Variants in FBXO34 observed in about 807,000 individuals in gnomAD.
The protein encoded by FBXO34 is F-box only protein 34.
Under a neutral mutation model 24.5 loss-of-function variants are expected in FBXO34, and 12 were observed. That is an observed-to-expected ratio of 0.49 (90% CI 0.31 to 0.79). The LOEUF (loss-of-function observed/expected upper bound fraction) is 0.79. FBXO34 is among the 30% of genes least tolerant of loss of function. FBXO34 has a pLI of 0.04. For synonymous variants in FBXO34, 320 were observed against 311.9 expected (o/e 1.03, Z -0.27); for missense variants, 823 against 857.7 (o/e 0.96, Z 0.51).
At chr14:55,417,440 A>C in the FBXO34 span, among the ~76,000 whole-genome samples, 1 of 143,240 alleles carries the variant, frequency 7.0e-6, no homozygotes, top group Non-Finnish European at 1.5e-5. Flanking sequence ...CTCCAATGAG[A>C]TGACCCTTGC....
chr14:55,411,523 G>A, the FBXO34 span: 39 of 1,389,828 alleles, frequency 2.8e-5, no homozygotes, highest in East Asian at 9.9e-5. Context: ...CGGACGGGGA[G>A]CCCCAGGTTC....
At chr14:55,338,398 T>A (rs1883866963) in intron 1 of FBXO34, among the ~76,000 whole-genome samples, 1 of 152,122 alleles carries the variant, frequency 6.6e-6, no homozygotes. Flanking sequence ...TGTAAGTTCC[T>A]TAAGCCATCT....
intron 1 of FBXO34, among the ~76,000 whole-genome samples, chr14:55,315,751 T>A (rs1009287133): frequency 1.3e-5 from 2 of 152,216 alleles, no homozygotes; most frequent in Non-Finnish European, 2.9e-5. Context: ...TTTTTCATGT[T>A]ATCAGTTCTT....
chr14:55,426,724 A>G, the FBXO34 span, among the ~76,000 whole-genome samples: 6 of 151,902 alleles, frequency 3.9e-5, no homozygotes, highest in South Asian at 2.1e-4. Flanking sequence ...AAAAAAAAAA[A>G]AAGAAAAGAA....
chr14:55,424,747 G>T, the FBXO34 span, among the ~76,000 whole-genome samples: 2 of 152,158 alleles, frequency 1.3e-5, no homozygotes, highest in Non-Finnish European at 2.9e-5. Context: ...TATAAATAAA[G>T]AAAATCCAAT....
the FBXO34 span, chr14:55,382,270 G>C: frequency 7.6e-7 from 1 of 1,316,790 alleles, no homozygotes; most frequent in East Asian, 2.3e-5. Context: ...AGACATGCTA[G>C]AACATCGAAA....
intron 1 of FBXO34, among the ~76,000 whole-genome samples, chr14:55,295,366 A>G (rs188786142): frequency 6.8e-5 from 10 of 146,776 alleles, no homozygotes; most frequent in East Asian, 5.9e-4. Flanking sequence ...TAATGGCTCT[A>G]TGAGGTAAAT....
chr14:55,427,467 G>A, the FBXO34 span, among the ~76,000 whole-genome samples: 5 of 152,142 alleles, frequency 3.3e-5, no homozygotes. Flanking sequence ...GGAAAGCACA[G>A]CAATATGATC....
At chr14:55,433,699 C>T in the FBXO34 span, 2 of 1,613,894 alleles carry the variant, frequency 1.2e-6, no homozygotes, top group Non-Finnish European at 8.5e-7. Flanking sequence ...CTCTCGGATC[C>T]TCATTATGAC....
intron 1 of FBXO34, among the ~76,000 whole-genome samples, chr14:55,329,293 G>A (rs927366371): frequency 1.3e-5 from 2 of 151,930 alleles, no homozygotes; most frequent in Non-Finnish European, 2.9e-5. Context: ...TTAACTTTGA[G>A]ATGACTGAGA....
At chr14:55,277,582 T>A (rs1226701975) in intron 1 of FBXO34, among the ~76,000 whole-genome samples, 1 of 152,196 alleles carries the variant, frequency 6.6e-6, no homozygotes, top group Non-Finnish European at 1.5e-5. Context: ...TACTGCAGCC[T>A]TGAACTTTTG....
intron 1 of FBXO34, among the ~76,000 whole-genome samples, chr14:55,305,838 T>A (rs1882526319): frequency 6.6e-6 from 1 of 152,238 alleles, no homozygotes; most frequent in African/African-American, 2.4e-5. Context: ...AAGTACTGTA[T>A]CTGTGTATAA....
At chr14:55,385,969 C>T in the FBXO34 span, 5 of 1,614,086 alleles carry the variant, frequency 3.1e-6, no homozygotes, top group Non-Finnish European at 4.2e-6. Flanking sequence ...AGTCAATGGT[C>T]TTTTTTTCTA....
At chr14:55,371,803 CAAAA>C (rs1884824594), downstream of FBXO34, among the ~76,000 whole-genome samples, 1 of 149,648 alleles carries the variant, frequency 6.7e-6, no homozygotes, top group East Asian at 2.0e-4. Context: ...GACTCTGTCT[CAAAA>C]AACAAACAAA....
At chr14:55,284,320 C>G (rs1187181343) in intron 1 of FBXO34, among the ~76,000 whole-genome samples, 1 of 152,018 alleles carries the variant, frequency 6.6e-6, no homozygotes, top group African/African-American at 2.4e-5. Context: ...TCGAGACCAG[C>G]CTGACCAACA....
At chr14:55,348,726 C>G (rs1353893202) in intron 1 of FBXO34, among the ~76,000 whole-genome samples, 1 of 152,212 alleles carries the variant, frequency 6.6e-6, no homozygotes, top group African/African-American at 2.4e-5. Context: ...CAAAATTTCT[C>G]TTTATCTGGC....
At chr14:55,283,335 A>G (rs931780901) in intron 1 of FBXO34, among the ~76,000 whole-genome samples, 5 of 152,124 alleles carry the variant, frequency 3.3e-5, no homozygotes, top group East Asian at 1.9e-4. Flanking sequence ...ATTTATTACA[A>G]CCTATTTTAT....
chr14:55,334,531 TGGGGTG>T (rs1460943435), intron 1 of FBXO34, among the ~76,000 whole-genome samples: 6 of 6,386 alleles, frequency 9.4e-4, no homozygotes, highest in African/African-American at 4.5e-3. Context: ...GTAATATTGA[TGGGGTG>T]GGGGTGGGGC....
At chr14:55,409,411 G>T in the FBXO34 span, among the ~76,000 whole-genome samples, 1 of 152,162 alleles carries the variant, frequency 6.6e-6, no homozygotes, top group African/African-American at 2.4e-5. Context: ...TATATCACTG[G>T]GGTGGGGGCA....
Sources: gnomAD v4.1 joint callset for allele counts (sites outside exome capture counted in the v4.1 genomes callset) on GRCh38, gnomAD v4.1.1 for gene constraint, MANE v1.5 for transcripts, NCBI Gene and HGNC (gene_info 2026-07-23, HGNC 2026-07-21) for gene names.